The following HSPA12A variants were observed in gnomAD, a reference collection of about 807,000 sequenced individuals.
HSPA12A encodes heat shock 70 kDa protein 12A.
HSPA12A carries 28 observed loss-of-function variants against 69.2 expected under a neutral mutation model. That is an observed-to-expected ratio of 0.40 (90% confidence interval 0.30 to 0.55). The LOEUF (loss-of-function observed/expected upper bound fraction) is 0.55, where lower values mean the gene tolerates loss of function less well. Among genes scored for constraint, HSPA12A ranks in the 20% least tolerant of loss-of-function variants. HSPA12A has a pLI of 0.38. For synonymous variants in HSPA12A, 345 were observed against 370.5 expected, an observed-to-expected ratio of 0.93 and a Z score of 0.79; for missense variants, 686 against 900.7, an observed-to-expected ratio of 0.76 and a Z score of 3.05.
chr10:116,754,074 G>T (rs1843769389), intron 2 of HSPA12A, among the ~76,000 whole-genome samples: 1 of 152,210 alleles, frequency 6.6e-6, no homozygotes, highest in South Asian at 2.1e-4. Context: ...CCTGGCAGGG[G>T]TCAGCTATGA....
intron 7 of HSPA12A, among the ~76,000 whole-genome samples, chr10:116,683,071 C>G (rs1399473572): frequency 6.6e-6 from 1 of 151,724 alleles, no homozygotes; most frequent in Non-Finnish European, 1.5e-5. Context: ...TGAGATTTAA[C>G]AACAGTGCCC....
At chr10:116,685,499 G>A (rs566779227) in intron 6 of HSPA12A, among the ~76,000 whole-genome samples, 6 of 152,066 alleles carry the variant, frequency 3.9e-5, no homozygotes, top group African/African-American at 1.4e-4. Context: ...TGGGCATGGT[G>A]GGGGCAGTGC....
chr10:116,759,230 A>C (rs1399679210), intron 2 of HSPA12A, among the ~76,000 whole-genome samples: 3 of 152,184 alleles, frequency 2.0e-5, no homozygotes, highest in African/African-American at 7.2e-5. Flanking sequence ...CTAACTCAAT[A>C]ACAAGTCATT....
intron 1 of HSPA12A, among the ~76,000 whole-genome samples, chr10:116,729,725 T>C (rs1320541160): frequency 2.6e-5 from 4 of 152,200 alleles, no homozygotes; most frequent in African/African-American, 9.6e-5. Flanking sequence ...AGTGGACCTG[T>C]GCAATTCAAG....
chr10:116,800,027 CT>C (rs1448145046), intron 2 of HSPA12A, among the ~76,000 whole-genome samples: 2 of 152,106 alleles, frequency 1.3e-5, no homozygotes, highest in East Asian at 3.9e-4. Flanking sequence ...AACCCATTTC[CT>C]CCAACACTCA....
At chr10:116,726,029 A>ACG (rs1290971405) in intron 1 of HSPA12A, among the ~76,000 whole-genome samples, 1 of 61,040 alleles carries the variant, frequency 1.6e-5, no homozygotes, top group African/African-American at 7.5e-5. Context: ...ACACACACGC[A>ACG]CACACACACA....
At chr10:116,732,067 AT>A (rs1851168483) in intron 1 of HSPA12A, among the ~76,000 whole-genome samples, 3 of 152,100 alleles carry the variant, frequency 2.0e-5, no homozygotes, top group African/African-American at 7.2e-5. Context: ...GTGGTGGCTC[AT>A]GCCTGTAATC....
intron 2 of HSPA12A, among the ~76,000 whole-genome samples, chr10:116,779,579 G>A (rs914592091): frequency 6.6e-6 from 1 of 152,174 alleles, no homozygotes; most frequent in African/African-American, 2.4e-5. Context: ...GCAGGTGGAG[G>A]CTACTCTGTC....
At position 116,681,218 on chromosome 10, in the gene HSPA12A, C is replaced by T. The variant is rs781974587; in HGVS notation, c.961G>A (p.Val321Ile). The T allele has an allele frequency of 1.2e-4, 194 of 1,613,984 alleles. No homozygotes were observed. The highest frequency in any genetic ancestry group is 1.5e-4 in the Non-Finnish European group (177 of 1,180,014). Reference protein sequence around the residue: ...YVVVDSGGGTVDLTVHQIRLP... With the variant: ...YVVVDSGGGTIDLTVHQIRLP... ...CGGATCTGATGGACTGTCAGGTCTACGGTGCCACCGCCACTGTCCACAACC... is the reference window on the plus strand; with the variant it reads ...CGGATCTGATGGACTGTCAGGTCTATGGTGCCACCGCCACTGTCCACAACC... Residue 321 changes from valine (V) to isoleucine (I), a missense_variant, in exon 9 of 12, where the codon GTA becomes ATA. Transcript: ENST00000369209.
intron 11 of HSPA12A, 120 bp downstream of exon 11, chr10:116,676,279 G>C: frequency 1.3e-6 from 1 of 787,462 alleles, no homozygotes. Context: ...CAGGGCCCTT[G>C]CCTGTGGCTC....
intron 2 of HSPA12A, among the ~76,000 whole-genome samples, chr10:116,787,026 T>G: frequency 6.8e-6 from 1 of 148,042 alleles, no homozygotes; most frequent in South Asian, 2.2e-4. Context: ...ACGCACGCAC[T>G]CACACACACA....
chr10:116,723,423 C>A lies in HSPA12A; in HGVS notation c.41-16138G>T, dbSNP rs1224954440. ...AAGCTGTTCTTCCAGGGGCAGGGGA[C>A]GGGGCTGAGGACCCCGAATGAGCTG... On this transcript the variant is annotated intron_variant, in intron 1 of 11. Transcript: ENST00000369209. This position sits in a 1 kb window ranked among gnomAD's most constrained non-coding sequence, Gnocchi z 4.1. Among the ~76,000 whole-genome samples, 1 of 152,122 alleles carries A rather than the reference C, an allele frequency of 6.6e-6. No individual in the cohort carries two copies. Among genetic ancestry groups the A allele is most frequent in the South Asian group, 2.1e-4 (1 of 4,828 alleles).
At chr10:116,772,667 ATCTT>A (rs1554890618) in intron 2 of HSPA12A, among the ~76,000 whole-genome samples, 1 of 151,432 alleles carries the variant, frequency 6.6e-6, no homozygotes, top group African/African-American at 2.4e-5. Flanking sequence ...TTTCCTTTCT[ATCTT>A]TATTTTATTT....
intron 2 of HSPA12A, among the ~76,000 whole-genome samples, chr10:116,796,145 CAAAAAAA>C (rs10522145): frequency 9.0e-6 from 1 of 110,702 alleles, no homozygotes; most frequent in Admixed American, 9.9e-5. Context: ...AAGACTCCAT[CAAAAAAA>C]AAAAAAAAAA....
At chr10:116,784,141 G>A (rs1844523703) in intron 2 of HSPA12A, among the ~76,000 whole-genome samples, 1 of 152,274 alleles carries the variant, frequency 6.6e-6, no homozygotes, top group Admixed American at 6.5e-5. Flanking sequence ...GGACAGCCAT[G>A]ACTGGCCATG....
chr10:116,770,574 G>A (rs1273550817), intron 2 of HSPA12A, among the ~76,000 whole-genome samples: 2 of 152,196 alleles, frequency 1.3e-5, no homozygotes, highest in African/African-American at 4.8e-5. Flanking sequence ...AGCAAGGTGG[G>A]GTGGGGGTGA....
At chr10:116,697,790 A>C (rs1400949494) in intron 5 of HSPA12A, among the ~76,000 whole-genome samples, 1 of 152,094 alleles carries the variant, frequency 6.6e-6, no homozygotes, top group African/African-American at 2.4e-5. Flanking sequence ...ACCTAATTTC[A>C]TCACTCCTCA....
Position 116,675,430 on chromosome 10 carries a change from G to A in HSPA12A, c.1391-12C>T, listed in dbSNP as rs1351892908. ...CTGAAACAGGTCCCCTGGAAGGGAA[G>A]AGGCAGGGAGAATGTCCTGTCACCA... On this transcript the variant is annotated splice_polypyrimidine_tract_variant and intron_variant, in intron 11 of 11. Transcript: ENST00000369209. This position sits in a 1 kb window ranked among gnomAD's most constrained non-coding sequence, Gnocchi z 5.2. The A allele has an allele frequency of 1.9e-6, 3 of 1,558,430 alleles. No homozygotes were observed. The highest frequency in any genetic ancestry group is 2.6e-6 in the Non-Finnish European group (3 of 1,152,840).
rs558560194 is a variant in HSPA12A, at chr10:116,824,727, C to T, written c.91+10208G>A. On this transcript the variant is annotated intron_variant, in intron 2 of 12. Transcript: ENST00000635765. Reference sequence around the variant, plus strand: ...TCGGCTCACTGCAGGCTCCGCCTGCCGGTTCAAGCAATTCTCCTGCCTCAG... The same window carrying T: ...TCGGCTCACTGCAGGCTCCGCCTGCTGGTTCAAGCAATTCTCCTGCCTCAG... Among the ~76,000 whole-genome samples the T allele has an allele frequency of 2.2e-4, 33 of 152,270 alleles. No homozygotes were observed. The South Asian group carries it at 4.8e-3, about 22-fold the overall frequency.
Sources: allele counts gnomAD v4.1 joint callset (sites outside exome capture counted in the v4.1 genomes callset), GRCh38; gene constraint gnomAD v4.1.1; non-coding constraint Gnocchi (gnomAD v3.1); transcripts MANE v1.5; gene names NCBI Gene and HGNC (gene_info 2026-07-23, HGNC 2026-07-21).